ADGRL2: variants seen among roughly 807,000 people sequenced by gnomAD.
ADGRL2 encodes the protein calcium-independent alpha-latrotoxin receptor 2.
Under a neutral mutation model 157.4 loss-of-function variants are expected in ADGRL2, and 44 were observed. That is an observed-to-expected ratio of 0.28 (90% confidence interval 0.22 to 0.36). The LOEUF (loss-of-function observed/expected upper bound fraction) is 0.36, where lower values mean the gene tolerates loss of function less well. Among genes scored for constraint, ADGRL2 ranks in the 10% least tolerant of loss-of-function variants. ADGRL2 has a pLI of 1.00. For missense variants in ADGRL2, 1,510 were observed against 1,768.9 expected, an observed-to-expected ratio of 0.85 and a Z score of 2.63; for synonymous variants, 585 against 624.7, an observed-to-expected ratio of 0.94 and a Z score of 0.95.
upstream of ADGRL2, among the ~76,000 whole-genome samples, chr1:81,800,715 G>A (rs1264246150): frequency 2.0e-5 from 3 of 151,916 alleles, no homozygotes; most frequent in Admixed American, 1.3e-4. Flanking sequence ...TGTGTGGACA[G>A]GATGGAGAGC....
upstream of ADGRL2, among the ~76,000 whole-genome samples, chr1:81,795,512 G>A (rs1203302530): frequency 6.6e-6 from 1 of 152,120 alleles, no homozygotes; most frequent in East Asian, 1.9e-4. Flanking sequence ...CATTATAAGT[G>A]TTATACACAC....
chr1:81,701,216 T>G (rs188456887), intron 1 of ADGRL2, among the ~76,000 whole-genome samples: 1 of 152,354 alleles, frequency 6.6e-6, no homozygotes, highest in Admixed American at 6.5e-5. Flanking sequence ...ATGTTTTTGG[T>G]TTCTGAAAAA....
intron 3 of ADGRL2, among the ~76,000 whole-genome samples, chr1:81,584,396 A>C (rs1433481317): frequency 2.0e-5 from 3 of 152,204 alleles, no homozygotes; most frequent in African/African-American, 7.2e-5. Context: ...AAAGTACTCT[A>C]AAATAACTCC....
chr1:81,769,093 T>C (rs1571146611), intron 2 of ADGRL2, among the ~76,000 whole-genome samples: 3 of 150,936 alleles, frequency 2.0e-5, no homozygotes, highest in Non-Finnish European at 3.0e-5. Context: ...AAAAAAAAAA[T>C]TGAATTATCT....
chr1:81,751,489 A>G (rs1377356288), intron 1 of ADGRL2, among the ~76,000 whole-genome samples: 2 of 152,226 alleles, frequency 1.3e-5, no homozygotes, highest in Non-Finnish European at 2.9e-5. Context: ...ATCTTACAAA[A>G]CAAACTAACT....
intron 1 of ADGRL2, among the ~76,000 whole-genome samples, chr1:81,825,752 T>G (rs559087547): frequency 4.4e-5 from 6 of 136,430 alleles, no homozygotes; most frequent in South Asian, 2.3e-4. Context: ...TTAGAAACAT[T>G]TCTGAGATCA....
chr1:81,984,432 A>G, intron 19 of ADGRL2, 151 bp from the exon 20 acceptor site: 2 of 711,588 alleles, frequency 2.8e-6, no homozygotes, highest in Non-Finnish European at 4.5e-6. Context: ...ATTTTAATTG[A>G]ACTTGATTTT....
chr1:81,666,000 C>G (rs748676592), intron 3 of ADGRL2, among the ~76,000 whole-genome samples: 18 of 152,248 alleles, frequency 1.2e-4, no homozygotes, highest in Middle Eastern at 3.4e-3. Flanking sequence ...AGCTGAATAG[C>G]TGGACTAAGG....
chr1:81,949,421 G>A (rs1210899550), intron 6 of ADGRL2, among the ~76,000 whole-genome samples: 3 of 152,178 alleles, frequency 2.0e-5, no homozygotes, highest in Admixed American at 1.3e-4. Context: ...AATGTGTAAC[G>A]ATAGTTCTTT....
At chr1:81,736,305 A>G (rs773258244) in intron 1 of ADGRL2, among the ~76,000 whole-genome samples, 12 of 152,080 alleles carry the variant, frequency 7.9e-5, no homozygotes, top group Non-Finnish European at 1.5e-4. Flanking sequence ...TTAGACAGTG[A>G]CTCTTGGAGG....
chr1:81,843,236 A>G (rs946074833), intron 2 of ADGRL2, among the ~76,000 whole-genome samples: 6 of 151,932 alleles, frequency 3.9e-5, no homozygotes, highest in African/African-American at 1.4e-4. Flanking sequence ...GGGTTCAAAC[A>G]ATTCTCCTGC....
chr1:81,459,823 T>TATATACACAAACACATAC (rs1557704546), intron 2 of ADGRL2, among the ~76,000 whole-genome samples: 2 of 147,212 alleles, frequency 1.4e-5, no homozygotes, highest in East Asian at 4.2e-4. Context: ...TATATATATA[T>TATATACACAAACACATAC]ATATATATAC....
chr1:81,544,381 C>G (rs2148345114), intron 2 of ADGRL2, among the ~76,000 whole-genome samples: 1 of 152,150 alleles, frequency 6.6e-6, no homozygotes, highest in South Asian at 2.1e-4. Context: ...TGAAATGTTT[C>G]TTTTTTCCCT....
At chr1:81,668,209 G>A (rs540925898) in intron 3 of ADGRL2, among the ~76,000 whole-genome samples, 1 of 152,094 alleles carries the variant, frequency 6.6e-6, no homozygotes, top group South Asian at 2.1e-4. Context: ...GATCACACAC[G>A]AGGTCAGGAG....
chr1:81,767,316 A>G (rs914382923), intron 2 of ADGRL2, among the ~76,000 whole-genome samples: 2 of 152,130 alleles, frequency 1.3e-5, no homozygotes, highest in Admixed American at 1.3e-4. Context: ...TTCTATGACC[A>G]GTCTTGCAAA....
intron 3 of ADGRL2, among the ~76,000 whole-genome samples, chr1:81,670,592 G>A (rs943134679): frequency 2.0e-5 from 3 of 152,158 alleles, no homozygotes; most frequent in Admixed American, 6.5e-5. Flanking sequence ...GGAAGGACAC[G>A]GCATCTGGAC....
At chr1:81,823,677 T>A (rs1381146342) in intron 1 of ADGRL2, among the ~76,000 whole-genome samples, 1 of 151,994 alleles carries the variant, frequency 6.6e-6, no homozygotes, top group East Asian at 1.9e-4. Flanking sequence ...GGTGGAGGTT[T>A]AGGGAACCAG....
At chr1:81,888,572 A>G (rs35466345) in intron 2 of ADGRL2, among the ~76,000 whole-genome samples, 2,287 of 151,406 alleles carry the variant, frequency 0.015, 17 homozygotes, top group Admixed American at 0.025. Flanking sequence ...CCGAGTAGCT[A>G]GGACTACAGG....
At chr1:81,974,321 G>T (rs1421018233) in intron 17 of ADGRL2, among the ~76,000 whole-genome samples, 3 of 152,180 alleles carry the variant, frequency 2.0e-5, no homozygotes, top group African/African-American at 4.8e-5. Context: ...GCCTGAAATG[G>T]TTTAATGAAA....
Sources: allele counts gnomAD v4.1 joint callset (sites outside exome capture counted in the v4.1 genomes callset), GRCh38; gene constraint gnomAD v4.1.1; transcripts MANE v1.5; gene names NCBI Gene and HGNC (gene_info 2026-07-23, HGNC 2026-07-21).